The following EVC2 variants were observed in gnomAD, a reference collection of about 807,000 sequenced individuals.
EVC2 encodes limbin.
A neutral mutation model predicts 149.3 loss-of-function variants in EVC2; 148 were observed. That is an observed-to-expected ratio of 0.99 (90% CI 0.87 to 1.14). The LOEUF is 1.14. Among genes scored for constraint, EVC2 ranks in the 50% most tolerant of loss-of-function variants. EVC2 has a pLI of 0.00. For missense variants in EVC2, 1,854 were observed against 1,627.3 expected (o/e 1.14, Z -2.40); for synonymous variants, 776 against 649.9 (o/e 1.19, Z -2.95).
intron 21 of EVC2, among the ~76,000 whole-genome samples, chr4:5,551,875 GCT>G (rs146312201): frequency 0.049 from 7,398 of 152,206 alleles, 369 homozygotes; most frequent in African/African-American, 0.13. Flanking sequence ...CCCTGCACAT[GCT>G]CTTTCTCTTT....
chr4:5,674,738 A>G (rs9784532), intron 7 of EVC2, among the ~76,000 whole-genome samples: 128,795 of 152,128 alleles, frequency 0.85, 55,034 homozygotes, highest in African/African-American at 0.95. Context: ...GCAGGGGTTA[A>G]CTTTCCTGAT....
intron 1 of EVC2, 95 bp from the exon 2 acceptor site, chr4:5,697,742 T>C (rs1721572751): frequency 1.8e-6 from 2 of 1,131,756 alleles, no homozygotes; most frequent in African/African-American, 1.6e-5. Context: ...GGAGAGGACA[T>C]GCACTTTTTT....
intron 19 of EVC2, among the ~76,000 whole-genome samples, chr4:5,571,524 A>C (rs1032789514): frequency 6.6e-6 from 1 of 152,068 alleles, no homozygotes; most frequent in African/African-American, 2.4e-5. Flanking sequence ...GGAGAGTGAC[A>C]GAGAGGCCCA....
chr4:5,673,701 G>A (rs1353907175), intron 7 of EVC2, among the ~76,000 whole-genome samples: 1 of 152,188 alleles, frequency 6.6e-6, no homozygotes, highest in African/African-American at 2.4e-5. Context: ...AGCGATGCTG[G>A]ATAAACAGGC....
chr4:5,707,082 G>T (rs1028882328), intron 1 of EVC2, among the ~76,000 whole-genome samples: 1 of 152,144 alleles, frequency 6.6e-6, no homozygotes, highest in African/African-American at 2.4e-5. Flanking sequence ...CGCAGGCTCT[G>T]AACTCGGGGG....
At chr4:5,555,645 A>AT (rs892424162) in intron 21 of EVC2, among the ~76,000 whole-genome samples, 1 of 152,152 alleles carries the variant, frequency 6.6e-6, no homozygotes, top group African/African-American at 2.4e-5. Flanking sequence ...TATACACAAT[A>AT]TTTTTTACAA....
rs1721488208 is a variant in EVC2 at position 5,696,513 on chromosome 4, TGGAA to T, written c.283+1076_283+1079del. 3.3e-5 allele frequency among the ~76,000 whole-genome samples: 5 copies of T among 152,138 alleles called. No individual in the cohort carries two copies. Among genetic ancestry groups the T allele is most frequent in the Admixed American group, 3.3e-4 (5 of 15,282 alleles). On this transcript the variant is annotated intron_variant, in intron 2 of 21. Transcript: ENST00000344408. The surrounding 1 kb of genome is among the most constrained non-coding windows in gnomAD (Gnocchi z 4.1). ...CCACGCTGAGCCCAGGGGCCTGCACTGGAACTGTCACAGCCGCTGGGAAGTCTGC... is the reference window on the plus strand; with the variant it reads ...CCACGCTGAGCCCAGGGGCCTGCACTCTGTCACAGCCGCTGGGAAGTCTGC...
chr4:5,666,220 T>C (rs1719271541), intron 7 of EVC2, among the ~76,000 whole-genome samples: 1 of 146,606 alleles, frequency 6.8e-6, no homozygotes, highest in Non-Finnish European at 1.5e-5. Context: ...TTTTTAGGTT[T>C]ATAGCATATA....
At chr4:5,559,778 C>T (rs1219265627), downstream of EVC2, among the ~76,000 whole-genome samples, 2 of 151,892 alleles carry the variant, frequency 1.3e-5, no homozygotes, top group Admixed American at 6.6e-5. This position sits in a 1 kb window ranked among gnomAD's most constrained non-coding sequence, Gnocchi z 5.0. Flanking sequence ...GAGTCTATAC[C>T]GATAGAAATA....
At chr4:5,655,339 C>T (rs1443047468) in intron 9 of EVC2, among the ~76,000 whole-genome samples, 1 of 152,126 alleles carries the variant, frequency 6.6e-6, no homozygotes, top group East Asian at 1.9e-4. Context: ...CTGATCCTTC[C>T]AGAAAGGTAG....
chr4:5,631,123 A>T (rs1413972091), intron 11 of EVC2, among the ~76,000 whole-genome samples: 1 of 152,244 alleles, frequency 6.6e-6, no homozygotes, highest in East Asian at 1.9e-4. Context: ...GACTAACAAC[A>T]TTCACACTCA....
chr4:5,621,096 C>T (rs137979370), intron 14 of EVC2, among the ~76,000 whole-genome samples: 7 of 152,292 alleles, frequency 4.6e-5, no homozygotes, highest in South Asian at 2.1e-4. Flanking sequence ...GGTCACTTAA[C>T]GCAAACCAAG....
intron 16 of EVC2, among the ~76,000 whole-genome samples, chr4:5,593,074 T>C (rs1373237325): frequency 6.6e-6 from 1 of 152,212 alleles, no homozygotes; most frequent in African/African-American, 2.4e-5. Context: ...TGAAGAAGTA[T>C]ATGTTTGCTT....
chr4:5,552,698 C>A (rs536410087), intron 21 of EVC2, among the ~76,000 whole-genome samples: 1 of 152,168 alleles, frequency 6.6e-6, no homozygotes. Flanking sequence ...TTTAAGGCTG[C>A]AGATCAAGCA....
intron 1 of EVC2, 76 bp from the exon 2 acceptor site, chr4:5,697,723 GACTCA>G: frequency 7.5e-7 from 1 of 1,335,342 alleles, no homozygotes; most frequent in Admixed American, 1.7e-5. Context: ...CTTTGTAAAT[GACTCA>G]CATGGAGAGG....
chr4:5,599,083 G>A (rs1713736309), intron 16 of EVC2, among the ~76,000 whole-genome samples: 1 of 152,054 alleles, frequency 6.6e-6, no homozygotes, highest in Admixed American at 6.5e-5. Context: ...AGGTGCTGGA[G>A]AGGATGTGGA....
At position 5,576,173 on chromosome 4, in the gene EVC2, G is replaced by T; in HGVS notation, c.3272+67C>A. The T allele has an allele frequency of 6.2e-7, 1 of 1,612,600 alleles. No individual in the cohort carries two copies. The highest frequency in any genetic ancestry group is 1.1e-5 in the South Asian group (1 of 90,860). On this transcript the variant is annotated intron_variant, in intron 18 of 21. Transcript: ENST00000344408. This position sits in a 1 kb window ranked among gnomAD's most constrained non-coding sequence, Gnocchi z 4.5. ...AGGTGGGTATGGGTGGGCTGAGTTG[G>T]AGATGCCAGGTTCTCCAGGACTGCT...
intron 7 of EVC2, among the ~76,000 whole-genome samples, chr4:5,680,917 G>C (rs1180776322): frequency 6.6e-6 from 1 of 152,222 alleles, no homozygotes; most frequent in Non-Finnish European, 1.5e-5. Context: ...GCAGGCTTTG[G>C]GAAGATCTGG....
chr4:5,623,682 T>C (rs965062652), intron 13 of EVC2, among the ~76,000 whole-genome samples: 17 of 152,282 alleles, frequency 1.1e-4, no homozygotes, highest in African/African-American at 3.4e-4. Context: ...AATCCCTATG[T>C]GTTCACCATT....
Sources: gnomAD v4.1 joint callset for allele counts (sites outside exome capture counted in the v4.1 genomes callset) on GRCh38, gnomAD v4.1.1 for gene constraint, Gnocchi (gnomAD v3.1) non-coding constraint, MANE v1.5 for transcripts, NCBI Gene and HGNC (gene_info 2026-07-23, HGNC 2026-07-21) for gene names.